The following NRXN1 variants were observed in gnomAD, a reference collection of about 807,000 sequenced individuals.
The protein encoded by NRXN1 is neurexin-1.
In NRXN1, 39 loss-of-function variants were observed where a neutral mutation model predicts 150.9. The observed-to-expected ratio is 0.26, with a 90% CI of 0.20 to 0.34. The LOEUF is 0.34. NRXN1 is among the 10% of genes least tolerant of loss of function. NRXN1 has a pLI of 1.00. For synonymous variants in NRXN1, 924 were observed against 757.0 expected (o/e 1.22, Z -3.62); for missense variants, 1,815 against 1,949.9 (o/e 0.93, Z 1.30).
chr2:50,383,342 A>G (rs1572765060), intron 17 of NRXN1, among the ~76,000 whole-genome samples: 6 of 152,260 alleles, frequency 3.9e-5, no homozygotes, highest in Admixed American at 3.9e-4. Flanking sequence ...AGCGTAGGAG[A>G]AAAAGGGCAG....
At chr2:50,619,782 C>T in intron 8 of NRXN1, 1 of 432,778 alleles carries the variant, frequency 2.3e-6, no homozygotes, top group Non-Finnish European at 4.2e-6. Context: ...TATCAACTGT[C>T]CACACAAATC....
chr2:50,025,545 GGC>G, intron 21 of NRXN1, among the ~76,000 whole-genome samples: 1 of 152,126 alleles, frequency 6.6e-6, no homozygotes, highest in African/African-American at 2.4e-5. Flanking sequence ...AAATTGAGGT[GGC>G]AGTGGGAAGA....
intron 21 of NRXN1, among the ~76,000 whole-genome samples, chr2:50,006,659 C>T (rs1351051706): frequency 6.6e-6 from 1 of 152,258 alleles, no homozygotes; most frequent in South Asian, 2.1e-4. Context: ...AAATGAAATG[C>T]CTCTTCCACA....
intron 21 of NRXN1, among the ~76,000 whole-genome samples, chr2:49,964,928 C>G (rs899440936): frequency 3.3e-5 from 5 of 152,084 alleles, no homozygotes. Flanking sequence ...ACTCTGTCAC[C>G]CAGGGTGGAG....
intron 17 of NRXN1, among the ~76,000 whole-genome samples, chr2:50,312,916 GA>G (rs2075295055): frequency 6.6e-6 from 1 of 152,150 alleles, no homozygotes; most frequent in African/African-American, 2.4e-5. Context: ...GCATGCCACA[GA>G]ATTCTGATGG....
intron 18 of NRXN1, among the ~76,000 whole-genome samples, chr2:50,112,317 G>A (rs989662757): frequency 6.6e-6 from 1 of 152,066 alleles, no homozygotes; most frequent in African/African-American, 2.4e-5. Context: ...GTATCACTAT[G>A]CTTAATGGAG....
chr2:50,658,824 C>A (rs998708715), intron 5 of NRXN1, among the ~76,000 whole-genome samples: 2 of 152,038 alleles, frequency 1.3e-5, no homozygotes, highest in African/African-American at 4.8e-5. Flanking sequence ...GTTTGAAGAA[C>A]TTTCTTCTCC....
chr2:50,071,771 T>C (rs1696328714), intron 19 of NRXN1, among the ~76,000 whole-genome samples: 1 of 152,246 alleles, frequency 6.6e-6, no homozygotes, highest in South Asian at 2.1e-4. Flanking sequence ...ATCTTTCATA[T>C]TAAGATGTGA....
rs573343418 is a variant in NRXN1, at chr2:50,342,022, G to A, written c.3365-105052C>T. Among the ~76,000 whole-genome samples, 12 of 152,288 alleles carry A rather than the reference G, an allele frequency of 7.9e-5. No individual in the cohort carries two copies. The South Asian group carries it at 1.9e-3, about 24-fold the overall frequency. On this transcript the variant is annotated intron_variant, in intron 17 of 22. Transcript: ENST00000401669. ...TTTAGAACTAAGTTGTAAACTTCTT[G>A]ATGGTTCTGCCTCCGATATCTTGCC...
chr2:50,053,122 G>A, intron 21 of NRXN1, 149 bp downstream of exon 21: 6 of 736,652 alleles, frequency 8.1e-6, no homozygotes, highest in East Asian at 5.1e-5. Flanking sequence ...ATATTCAAAC[G>A]GAATGCATTA....
chr2:50,614,733 C>CAAAA (rs33968907), intron 8 of NRXN1, among the ~76,000 whole-genome samples: 5 of 98,258 alleles, frequency 5.1e-5, no homozygotes, highest in Admixed American at 1.2e-4. Context: ...ATCAGCCATT[C>CAAAA]AAAAAAAAAA....
chr2:50,461,962 T>C (rs2088272244), intron 17 of NRXN1, among the ~76,000 whole-genome samples: 1 of 151,922 alleles, frequency 6.6e-6, no homozygotes, highest in Non-Finnish European at 1.5e-5. Context: ...TGTAAGTAAA[T>C]TGGCAGTAAT....
intron 15 of NRXN1, among the ~76,000 whole-genome samples, chr2:50,485,239 A>G (rs2090781416): frequency 1.3e-5 from 2 of 152,254 alleles, no homozygotes; most frequent in Non-Finnish European, 2.9e-5. Flanking sequence ...AGAATGAGAC[A>G]GACATCCAGA....
chr2:51,015,898 A>G (rs1344617189), intron 2 of NRXN1, among the ~76,000 whole-genome samples: 1 of 152,104 alleles, frequency 6.6e-6, no homozygotes, highest in Non-Finnish European at 1.5e-5. Context: ...GAACCAAAAC[A>G]GAGCCCGTAC....
chr2:50,744,578 A>T (rs552706455), intron 5 of NRXN1, among the ~76,000 whole-genome samples: 1 of 152,218 alleles, frequency 6.6e-6, no homozygotes, highest in African/African-American at 2.4e-5. Context: ...ATGGTCCTTC[A>T]TTTATTCTAT....
chr2:50,482,226 TA>T (rs1447807206), intron 15 of NRXN1, among the ~76,000 whole-genome samples: 1 of 152,150 alleles, frequency 6.6e-6, no homozygotes, highest in African/African-American at 2.4e-5. Context: ...TGGGAAATAA[TA>T]AAGTGAAATT....
intron 5 of NRXN1, among the ~76,000 whole-genome samples, chr2:50,892,972 G>A (rs767915619): frequency 5.9e-5 from 9 of 152,134 alleles, no homozygotes; most frequent in Non-Finnish European, 1.0e-4. Flanking sequence ...GGTCAAGGGA[G>A]GGCAGGAAGA....
At position 49,936,222 on chromosome 2, in the gene NRXN1, T is replaced by C. The variant is rs1296648910; in HGVS notation, c.4216+7482A>G. ...TCACTTATATGCTAAGTAATTATTATAAGTGGCCAATCATATGTTAGTTAA... is the reference window on the plus strand; with the variant it reads ...TCACTTATATGCTAAGTAATTATTACAAGTGGCCAATCATATGTTAGTTAA... On this transcript the variant is annotated intron_variant, in intron 22 of 22. Transcript: ENST00000401669. Among the ~76,000 whole-genome samples, 5 of 152,222 alleles carry C rather than the reference T, an allele frequency of 3.3e-5. No homozygotes were observed. In the South Asian group the frequency reaches 8.3e-4, roughly 25 times the overall value.
intron 17 of NRXN1, among the ~76,000 whole-genome samples, chr2:50,304,172 G>C (rs1401999236): frequency 1.3e-5 from 2 of 151,996 alleles, no homozygotes; most frequent in Non-Finnish European, 2.9e-5. Context: ...GTATTCTTTT[G>C]GTTATCTATT....
Sources: allele counts gnomAD v4.1 joint callset (sites outside exome capture counted in the v4.1 genomes callset), GRCh38; gene constraint gnomAD v4.1.1; transcripts MANE v1.5; gene names NCBI Gene and HGNC (gene_info 2026-07-23, HGNC 2026-07-21).